The following LRRC72 variants were observed in gnomAD, a reference collection of about 807,000 sequenced individuals.
LRRC72 encodes leucine-rich repeat-containing protein 72.
Under a neutral mutation model 35.8 loss-of-function variants are expected in LRRC72, and 41 were observed. The observed-to-expected ratio is 1.15, with a 90% CI of 0.89 to 1.49. The LOEUF is 1.49. LRRC72 is among the 40% of genes most tolerant of loss of function. The pLI, the probability that LRRC72 is intolerant of heterozygous loss-of-function variation, is 0.00. For synonymous variants in LRRC72, 118 were observed against 119.2 expected (o/e 0.99, Z 0.07); for missense variants, 389 against 330.7 (o/e 1.18, Z -1.37).
intron 7 of LRRC72, among the ~76,000 whole-genome samples, chr7:16,567,994 C>G (rs1418032703): frequency 6.6e-6 from 1 of 152,028 alleles, no homozygotes; most frequent in Non-Finnish European, 1.5e-5. Flanking sequence ...TTTGATTATA[C>G]TCACATACAG....
At chr7:16,558,726 A>G (rs1404064427) in intron 4 of LRRC72, among the ~76,000 whole-genome samples, 163 bp from the exon 5 acceptor site, 1 of 151,970 alleles carries the variant, frequency 6.6e-6, no homozygotes, top group African/African-American at 2.4e-5. Context: ...ATAATAATTT[A>G]TAATATATTA....
chr7:16,535,070 T>A (rs1474281467), intron 2 of LRRC72, among the ~76,000 whole-genome samples: 1 of 152,062 alleles, frequency 6.6e-6, no homozygotes. Context: ...GCACCTGTGG[T>A]CCCAGCTACT....
chr7:16,546,475 T>G (rs1236853595), intron 3 of LRRC72, among the ~76,000 whole-genome samples: 1 of 151,964 alleles, frequency 6.6e-6, no homozygotes, highest in African/African-American at 2.4e-5. Flanking sequence ...TGTCAAATGC[T>G]CCCTGGGGGG....
At chr7:16,530,850 A>T (rs998797117) in intron 1 of LRRC72, among the ~76,000 whole-genome samples, 12 of 152,206 alleles carry the variant, frequency 7.9e-5, no homozygotes, top group African/African-American at 2.9e-4. Context: ...CTATGCAAAG[A>T]TGTGACTGAC....
chr7:16,568,276 G>A (rs1392874713), intron 7 of LRRC72, among the ~76,000 whole-genome samples: 2 of 152,114 alleles, frequency 1.3e-5, no homozygotes, highest in Non-Finnish European at 1.5e-5. Flanking sequence ...TCCATTCCAC[G>A]AAGGAAGAGA....
chr7:16,542,204 T>C (rs765087465), intron 3 of LRRC72, among the ~76,000 whole-genome samples: 4 of 152,132 alleles, frequency 2.6e-5, no homozygotes, highest in Non-Finnish European at 4.4e-5. Context: ...CAACTACTCA[T>C]TGAATATTCA....
At position 16,552,113 on chromosome 7, in the gene LRRC72, T is replaced by A. The variant is rs374211114; in HGVS notation, c.235-5247T>A. Among the ~76,000 whole-genome samples, 13 of 152,312 alleles carry A rather than the reference T, an allele frequency of 8.5e-5. No homozygotes were observed. In the East Asian group the frequency reaches 2.5e-3, roughly 29 times the overall value. On this transcript the variant is annotated intron_variant, in intron 3 of 8. Transcript: ENST00000401542. ...CAAAAAAAGTCTTCTGTGTTGTGTG[T>A]GAGAGCAGAGGAGAAAATCTGTTTT...
chr7:16,564,808 AT>A lies in LRRC72; in HGVS notation c.428-1493del, dbSNP rs11442050. Among the ~76,000 whole-genome samples the A allele has an allele frequency of 3.8e-3, 559 of 148,530 alleles. 1 individual carries two copies. The highest frequency in any genetic ancestry group is 9.8e-3 in the African/African-American group (398 of 40,664). ...TACAGAGAAAACATCCAGATGATTG[AT>A]TTTTTTTTTTTAGTTTTTATCTAGC... On this transcript the variant is annotated intron_variant, in intron 5 of 8. Coordinates refer to ENST00000401542, the MANE Select transcript of LRRC72 (RefSeq NM_001195280.2).
At position 16,531,618 on chromosome 7, in the gene LRRC72, T is replaced by C. The variant is rs950185381; in HGVS notation, c.91-877T>C. On this transcript the variant is annotated intron_variant, in intron 1 of 8. Transcript: ENST00000401542. ...CGGTGATTGTTTTGACTCTGATAATTACAATGTTTGTCAGATTCCAGGATT... is the reference window on the plus strand; with the variant it reads ...CGGTGATTGTTTTGACTCTGATAATCACAATGTTTGTCAGATTCCAGGATT... 4.6e-5 allele frequency among the ~76,000 whole-genome samples: 7 copies of C among 152,336 alleles called. No homozygotes were observed. In the East Asian group the frequency reaches 1.3e-3, roughly 29 times the overall value.
rs987989029 is a variant in LRRC72, at chr7:16,542,700, G to A, written c.234+5004G>A. On this transcript the variant is annotated intron_variant, in intron 3 of 8. Coordinates refer to ENST00000401542, the MANE Select transcript of LRRC72 (RefSeq NM_001195280.2). ...GAGCAGAGGAAGGACTTTGAGTCCTGTGTGTCCTTTGTCCCCAAAGAATTT... is the reference window on the plus strand; with the variant it reads ...GAGCAGAGGAAGGACTTTGAGTCCTATGTGTCCTTTGTCCCCAAAGAATTT... Among the ~76,000 whole-genome samples, 13 of 152,228 alleles carry A rather than the reference G, an allele frequency of 8.5e-5. No individual in the cohort carries two copies. In the East Asian group the frequency reaches 9.6e-4, roughly 11 times the overall value.
At chr7:16,568,957 A>T (rs1454204610) in intron 7 of LRRC72, among the ~76,000 whole-genome samples, 1 of 152,238 alleles carries the variant, frequency 6.6e-6, no homozygotes, top group African/African-American at 2.4e-5. Flanking sequence ...AAAGGAAAAG[A>T]AAAAGAAGAA....
chr7:16,565,503 TATC>T (rs964862332), intron 5 of LRRC72, among the ~76,000 whole-genome samples: 14 of 152,134 alleles, frequency 9.2e-5, no homozygotes, highest in African/African-American at 2.9e-4. Flanking sequence ...ATATGTTTAT[TATC>T]ATCTAGGATG....
chr7:16,557,576 A>C (rs901074282), intron 4 of LRRC72, 135 bp downstream of exon 4: 3 of 336,550 alleles, frequency 8.9e-6, no homozygotes, highest in Non-Finnish European at 1.6e-5. Context: ...GTATTTTTTA[A>C]ATGTTTTAAT....
In LRRC72 at chr7:16,526,998, C is replaced by A. The variant is rs1480328268; in HGVS notation, c.46C>A (p.Arg16Ser). The change falls in exon 1 of 9, where the codon CGC (arginine) becomes AGC (serine). Residue 16 changes from arginine (R) to serine (S), a missense_variant. Arg to Ser is a moderately radical substitution (Grantham distance 110). Coordinates refer to ENST00000401542, the MANE Select transcript of LRRC72 (RefSeq NM_001195280.2). The stretch of plus-strand genomic sequence containing the variant: ...CGTGCCCCGTACCTTGCGATGCTGG[C>A]GCCTACGGAGGGCATCCGAAACTGC... ...NPVPRTLRCW[R>S]LRRASETALQ... 1.3e-6 allele frequency: 2 copies of A among 1,539,972 alleles called. No homozygotes were observed. The highest frequency in any genetic ancestry group is 1.7e-6 in the Non-Finnish European group (2 of 1,146,924).
chr7:16,545,445 T>C (rs1365759891), intron 3 of LRRC72, among the ~76,000 whole-genome samples: 2 of 152,236 alleles, frequency 1.3e-5, no homozygotes, highest in African/African-American at 2.4e-5. Context: ...TACAACGTGC[T>C]TTGTATCATG....
intron 3 of LRRC72, among the ~76,000 whole-genome samples, chr7:16,547,672 G>A (rs559893279): frequency 1.3e-5 from 2 of 152,336 alleles, no homozygotes; most frequent in South Asian, 2.1e-4. Flanking sequence ...GTCACAACCT[G>A]GCTGGGGGTA....
chr7:16,562,335 T>C (rs972064318), intron 5 of LRRC72, among the ~76,000 whole-genome samples: 3 of 152,144 alleles, frequency 2.0e-5, no homozygotes, highest in Non-Finnish European at 4.4e-5. Context: ...TATTAACTCC[T>C]GCCCCCTTTC....
intron 7 of LRRC72, among the ~76,000 whole-genome samples, chr7:16,578,662 T>C (rs2128339508): frequency 6.6e-6 from 1 of 152,334 alleles, no homozygotes; most frequent in East Asian, 1.9e-4. Context: ...TACAAAACTT[T>C]TAATAGTGAT....
At chr7:16,552,150 C>T (rs1363943597) in intron 3 of LRRC72, among the ~76,000 whole-genome samples, 1 of 152,122 alleles carries the variant, frequency 6.6e-6, no homozygotes, top group African/African-American at 2.4e-5. Flanking sequence ...TCAACTCAGT[C>T]CCCAAAGCTG....
Sources: gnomAD v4.1 joint callset for allele counts (sites outside exome capture counted in the v4.1 genomes callset) on GRCh38, gnomAD v4.1.1 for gene constraint, MANE v1.5 for transcripts, NCBI Gene and HGNC (gene_info 2026-07-23, HGNC 2026-07-21) for gene names.